The following B3GAT2 variants were observed in gnomAD, a reference collection of about 807,000 sequenced individuals.
B3GAT2 encodes the protein galactosylgalactosylxylosylprotein 3-beta-glucuronosyltransferase 2.
B3GAT2 carries 26 observed loss-of-function variants against 27.8 expected under a neutral mutation model. That is an observed-to-expected ratio of 0.93 (90% CI 0.68 to 1.30). The LOEUF (loss-of-function observed/expected upper bound fraction) is 1.30. Among genes scored for constraint, B3GAT2 ranks in the 50% most tolerant of loss-of-function variants. B3GAT2 has a pLI of 0.00. For missense variants in B3GAT2, 458 were observed against 459.0 expected (o/e 1.00, Z 0.02); for synonymous variants, 218 against 195.1 (o/e 1.12, Z -0.98).
chr6:70,909,226 G>A (rs1184741359), intron 1 of B3GAT2, among the ~76,000 whole-genome samples: 3 of 152,100 alleles, frequency 2.0e-5, no homozygotes, highest in African/African-American at 2.4e-5. Context: ...ATAAGGCTTT[G>A]CTTACAGATT....
chr6:70,928,348 A>G (rs916354373), intron 1 of B3GAT2, among the ~76,000 whole-genome samples: 8 of 152,080 alleles, frequency 5.3e-5, no homozygotes. Flanking sequence ...CCAGAACTGA[A>G]GGCGACAGAG....
chr6:70,895,802 G>C (rs578111751), intron 1 of B3GAT2, among the ~76,000 whole-genome samples: 1 of 151,188 alleles, frequency 6.6e-6, no homozygotes, highest in Admixed American at 6.6e-5. Context: ...AACTGCAACT[G>C]TCTTGTGCTA....
At chr6:70,877,808 G>T (rs1019703685) in intron 2 of B3GAT2, among the ~76,000 whole-genome samples, 3 of 152,174 alleles carry the variant, frequency 2.0e-5, no homozygotes, top group Non-Finnish European at 2.9e-5. Flanking sequence ...ATTTCAGCTT[G>T]TGTTTCCATA....
At chr6:70,873,028 C>A (rs1318479617) in intron 2 of B3GAT2, among the ~76,000 whole-genome samples, 1 of 152,054 alleles carries the variant, frequency 6.6e-6, no homozygotes, top group African/African-American at 2.4e-5. Flanking sequence ...ACATTTTGTG[C>A]TCCTCAAACC....
rs911385329 is a variant in B3GAT2, at chr6:70,861,720, C to G, written c.915G>C (p.Lys305Asn). The change falls in exon 4 of 4, where the codon AAG (lysine) becomes AAC (asparagine). Residue 305 changes from lysine to asparagine, a missense_variant. Coordinates refer to ENST00000230053, the MANE Select transcript of B3GAT2 (RefSeq NM_080742.3). ...ACTTTGGCTCGTTGGCTAGATTAAC[C>G]TTCTCTGTCCGAGTGTGCCACACGA... ...KVLVWHTRTE[K>N]VNLANEPKYH... The G allele has an allele frequency of 9.9e-6, 16 of 1,614,008 alleles. No individual in the cohort carries two copies. Among genetic ancestry groups the G allele is most frequent in the Non-Finnish European group, 1.4e-5 (16 of 1,179,998 alleles).
At chr6:70,917,133 G>A (rs1190174420) in intron 1 of B3GAT2, among the ~76,000 whole-genome samples, 1 of 152,120 alleles carries the variant, frequency 6.6e-6, no homozygotes, top group Non-Finnish European at 1.5e-5. Context: ...TTGGGAGGGT[G>A]TATGTGTCAA....
At chr6:70,935,307 A>G (rs1476116677) in intron 1 of B3GAT2, among the ~76,000 whole-genome samples, 1 of 151,950 alleles carries the variant, frequency 6.6e-6, no homozygotes, top group East Asian at 1.9e-4. Flanking sequence ...AATAAAAATT[A>G]GCCAGGTATG....
At chr6:70,955,570 G>C (rs1765640823) in intron 1 of B3GAT2, among the ~76,000 whole-genome samples, 1 of 152,076 alleles carries the variant, frequency 6.6e-6, no homozygotes, top group Non-Finnish European at 1.5e-5. Context: ...CTATTCTCTT[G>C]ACACAATCTC....
chr6:70,870,136 C>A (rs1332034546), intron 2 of B3GAT2, among the ~76,000 whole-genome samples: 2 of 151,884 alleles, frequency 1.3e-5, no homozygotes, highest in African/African-American at 2.4e-5. Context: ...GACTTGGAAC[C>A]AACCCAAATA....
intron 1 of B3GAT2, among the ~76,000 whole-genome samples, chr6:70,944,333 G>T (rs1765441782): frequency 6.6e-6 from 1 of 152,162 alleles, no homozygotes; most frequent in South Asian, 2.1e-4. Flanking sequence ...AAAGAAAGGG[G>T]TGACAGAGGG....
At chr6:70,870,378 C>T (rs1771914294) in intron 2 of B3GAT2, among the ~76,000 whole-genome samples, 1 of 123,566 alleles carries the variant, frequency 8.1e-6, no homozygotes, top group South Asian at 2.7e-4. Context: ...ACATCACACA[C>T]CAGGGACTGT....
At chr6:70,893,771 A>C (rs914305710) in intron 2 of B3GAT2, among the ~76,000 whole-genome samples, 3 of 152,098 alleles carry the variant, frequency 2.0e-5, no homozygotes, top group African/African-American at 7.2e-5. Flanking sequence ...TAGAAAAGGG[A>C]GTCAAAAGGT....
chr6:70,945,294 A>T (rs1765461655), intron 1 of B3GAT2, among the ~76,000 whole-genome samples: 1 of 152,182 alleles, frequency 6.6e-6, no homozygotes, highest in African/African-American at 2.4e-5. Flanking sequence ...GAGGAAATTC[A>T]AGCCAAAGGC....
intron 1 of B3GAT2, among the ~76,000 whole-genome samples, chr6:70,945,172 T>G (rs1057505779): frequency 3.9e-5 from 6 of 151,944 alleles, no homozygotes; most frequent in Non-Finnish European, 7.4e-5. Context: ...GCACCTCTCC[T>G]CCCCCAAAGG....
At chr6:70,916,259 A>G (rs551891652) in intron 1 of B3GAT2, among the ~76,000 whole-genome samples, 1 of 152,106 alleles carries the variant, frequency 6.6e-6, no homozygotes, top group African/African-American at 2.4e-5. Context: ...TTGTATCCTG[A>G]TACTTTGCTG....
At chr6:70,955,436 C>T (rs1030951142) in intron 1 of B3GAT2, among the ~76,000 whole-genome samples, 1 of 150,352 alleles carries the variant, frequency 6.7e-6, no homozygotes, top group Non-Finnish European at 1.5e-5. Context: ...CCTCCACCGC[C>T]ACCCGCTACG....
At chr6:70,917,392 T>A (rs982417922) in intron 1 of B3GAT2, among the ~76,000 whole-genome samples, 2 of 152,162 alleles carry the variant, frequency 1.3e-5, no homozygotes, top group African/African-American at 4.8e-5. Flanking sequence ...TTTGTGTCTC[T>A]CTCTCCTTTA....
chr6:70,940,204 T>G (rs1179325053), intron 1 of B3GAT2, among the ~76,000 whole-genome samples: 2 of 152,094 alleles, frequency 1.3e-5, no homozygotes, highest in African/African-American at 4.8e-5. Flanking sequence ...CTCCTACATT[T>G]TCCTCATTCT....
intron 1 of B3GAT2, among the ~76,000 whole-genome samples, chr6:70,943,778 C>G (rs930646530): frequency 1.3e-5 from 2 of 151,656 alleles, no homozygotes; most frequent in Non-Finnish European, 2.9e-5. Context: ...TTCACAAGAC[C>G]AAATATTATC....
Sources: gnomAD v4.1 joint callset for allele counts (sites outside exome capture counted in the v4.1 genomes callset) on GRCh38, gnomAD v4.1.1 for gene constraint, MANE v1.5 for transcripts, NCBI Gene and HGNC (gene_info 2026-07-23, HGNC 2026-07-21) for gene names.